MACROD2: variants seen among roughly 807,000 people sequenced by gnomAD.
MACROD2 encodes mono-ADP ribosylhydrolase 2.
A neutral mutation model predicts 70.4 loss-of-function variants in MACROD2; 36 were observed. That is an observed-to-expected ratio of 0.51 (90% CI 0.39 to 0.68). The LOEUF (loss-of-function observed/expected upper bound fraction) is 0.68. MACROD2 is among the 30% of genes least tolerant of loss of function. The pLI, the probability that MACROD2 is intolerant of heterozygous loss-of-function variation, is 0.00. For synonymous variants in MACROD2, 172 were observed against 178.8 expected (o/e 0.96, Z 0.30); for missense variants, 496 against 538.4 (o/e 0.92, Z 0.78).
At chr20:14,409,259 T>A (rs1381277026) in intron 3 of MACROD2, among the ~76,000 whole-genome samples, 1 of 151,470 alleles carries the variant, frequency 6.6e-6, no homozygotes, top group Non-Finnish European at 1.5e-5. Flanking sequence ...CAATGGAAGC[T>A]TGTCTAATTT....
At chr20:14,970,550 TG>T (rs2122799534) in intron 5 of MACROD2, among the ~76,000 whole-genome samples, 1 of 152,284 alleles carries the variant, frequency 6.6e-6, no homozygotes, top group African/African-American at 2.4e-5. Flanking sequence ...AAAAAGTGAT[TG>T]GTTTGTATTC....
chr20:15,961,828 T>G (rs2066065896), intron 12 of MACROD2, among the ~76,000 whole-genome samples: 1 of 152,198 alleles, frequency 6.6e-6, no homozygotes, highest in Non-Finnish European at 1.5e-5. Context: ...TAAGATTTTA[T>G]TTTTTAATGT....
At chr20:15,204,165 G>A (rs962576469) in intron 5 of MACROD2, among the ~76,000 whole-genome samples, 11 of 152,034 alleles carry the variant, frequency 7.2e-5, no homozygotes, top group African/African-American at 1.2e-4. Flanking sequence ...GACCAGCCAA[G>A]CATCTATCAC....
At position 14,393,854 on chromosome 20, in the gene MACROD2, C is replaced by T. The variant is rs563597860; in HGVS notation, c.272-99625C>T. 7.9e-5 allele frequency among the ~76,000 whole-genome samples: 12 copies of T among 152,122 alleles called. No homozygotes were observed. The South Asian group carries it at 1.9e-3, about 24-fold the overall frequency. On this transcript the variant is annotated intron_variant, in intron 3 of 17. Transcript: ENST00000684519. ...GTAATTAGGTTAAGATGATGTCATGCGGGTGGAGCCCTATGTTAGGATTAC... is the reference window on the plus strand; with the variant it reads ...GTAATTAGGTTAAGATGATGTCATGTGGGTGGAGCCCTATGTTAGGATTAC...
intron 3 of MACROD2, among the ~76,000 whole-genome samples, chr20:14,151,151 T>G (rs1443252564): frequency 1.3e-5 from 2 of 152,222 alleles, no homozygotes; most frequent in Non-Finnish European, 2.9e-5. Flanking sequence ...TTAAATCATT[T>G]GAGATGTTTT....
chr20:15,404,572 C>T (rs2045971688), intron 6 of MACROD2, among the ~76,000 whole-genome samples: 1 of 152,188 alleles, frequency 6.6e-6, no homozygotes, highest in Non-Finnish European at 1.5e-5. Context: ...CAGTCTCTGG[C>T]TGTTTCAGAG....
intron 15 of MACROD2, among the ~76,000 whole-genome samples, chr20:15,996,027 T>C (rs553324738): frequency 2.6e-5 from 4 of 152,182 alleles, no homozygotes; most frequent in South Asian, 2.1e-4. Flanking sequence ...TAACCAGAAG[T>C]GGGATGGCTG....
chr20:14,967,437 T>C (rs948486477), intron 5 of MACROD2, among the ~76,000 whole-genome samples: 1 of 152,156 alleles, frequency 6.6e-6, no homozygotes, highest in African/African-American at 2.4e-5. Flanking sequence ...GTGCTAAGAT[T>C]ACAGGCGTGA....
chr20:15,065,389 C>T (rs2075565279), intron 5 of MACROD2, among the ~76,000 whole-genome samples: 1 of 152,184 alleles, frequency 6.6e-6, no homozygotes, highest in African/African-American at 2.4e-5. Context: ...GGCGCGGTGG[C>T]TCACGCCTGT....
At chr20:14,010,378 G>T (rs561137398) in intron 2 of MACROD2, among the ~76,000 whole-genome samples, 2 of 152,084 alleles carry the variant, frequency 1.3e-5, no homozygotes, top group Non-Finnish European at 2.9e-5. Flanking sequence ...TGCTGTCTCA[G>T]GGGTGGCAAA....
intron 4 of MACROD2, among the ~76,000 whole-genome samples, chr20:14,528,417 G>T (rs1188906164): frequency 1.3e-5 from 2 of 150,570 alleles, no homozygotes; most frequent in Non-Finnish European, 2.9e-5. Flanking sequence ...GCCTCCCAAA[G>T]TGCTGGGATT....
chr20:15,118,070 A>G (rs1322111), intron 5 of MACROD2, among the ~76,000 whole-genome samples: 4 of 151,846 alleles, frequency 2.6e-5, no homozygotes, highest in Non-Finnish European at 5.9e-5. Flanking sequence ...TGTTGCATCA[A>G]AATTGAAGAT....
chr20:15,339,553 G>A (rs1194763888), intron 6 of MACROD2, among the ~76,000 whole-genome samples: 7 of 151,692 alleles, frequency 4.6e-5, no homozygotes. Flanking sequence ...GAGCACTGCT[G>A]GAAAAATATT....
At chr20:15,060,820 C>A (rs1261573530) in intron 5 of MACROD2, among the ~76,000 whole-genome samples, 3 of 152,172 alleles carry the variant, frequency 2.0e-5, no homozygotes, top group Non-Finnish European at 4.4e-5. Context: ...TTGGATGTAA[C>A]AGCCAAATAT....
chr20:15,762,432 A>G lies in MACROD2; in HGVS notation c.646-100313A>G, dbSNP rs367574727. On this transcript the variant is annotated intron_variant, in intron 8 of 17. Coordinates refer to ENST00000684519, the MANE Select transcript of MACROD2 (RefSeq NM_001351661.2). Reference sequence around the variant, plus strand: ...AAAAGATGCATAGGTGGGCTCTGGTAGACAAATTACTAACCATTCTACCTA... The same window carrying G: ...AAAAGATGCATAGGTGGGCTCTGGTGGACAAATTACTAACCATTCTACCTA... Among the ~76,000 whole-genome samples, 64 of 152,296 alleles carry G rather than the reference A, an allele frequency of 4.2e-4. No individual in the cohort carries two copies. The East Asian group carries it at 0.012, about 29-fold the overall frequency.
chr20:14,593,491 T>G (rs1176550769), intron 4 of MACROD2, among the ~76,000 whole-genome samples: 1 of 152,170 alleles, frequency 6.6e-6, no homozygotes, highest in African/African-American at 2.4e-5. Context: ...AAACGTGCTT[T>G]GGGAAAGCTA....
At chr20:15,419,720 A>G (rs2046202792) in intron 6 of MACROD2, among the ~76,000 whole-genome samples, 1 of 152,204 alleles carries the variant, frequency 6.6e-6, no homozygotes, top group African/African-American at 2.4e-5. Context: ...CTGCACCAGC[A>G]AAGTCACCTA....
intron 8 of MACROD2, among the ~76,000 whole-genome samples, chr20:15,825,346 C>T (rs1021085238): frequency 3.5e-4 from 54 of 152,156 alleles, no homozygotes; most frequent in African/African-American, 1.3e-3. Flanking sequence ...AAAGCTCAAG[C>T]CACATGGCAA....
At chr20:15,026,638 G>T (rs140922070) in intron 5 of MACROD2, among the ~76,000 whole-genome samples, 17 of 152,092 alleles carry the variant, frequency 1.1e-4, no homozygotes, top group African/African-American at 3.4e-4. Context: ...GTGCTTCTGA[G>T]TATTTACTTA....
Sources: allele counts gnomAD v4.1 joint callset (sites outside exome capture counted in the v4.1 genomes callset), GRCh38; gene constraint gnomAD v4.1.1; transcripts MANE v1.5; gene names NCBI Gene and HGNC (gene_info 2026-07-23, HGNC 2026-07-21).